The following ESRRG variants were observed in gnomAD, a reference collection of about 807,000 sequenced individuals.
ESRRG encodes the protein estrogen-related receptor gamma.
Under a neutral mutation model 44.0 loss-of-function variants are expected in ESRRG, and 13 were observed. The ratio of observed to expected loss-of-function variants is 0.30; its 90% CI spans 0.19 to 0.47. The LOEUF is 0.47. Among genes scored for constraint, ESRRG ranks in the 20% least tolerant of loss-of-function variants. ESRRG has a pLI of 1.00. For missense variants in ESRRG, 395 were observed against 580.6 expected, an observed-to-expected ratio of 0.68 and a Z score of 3.29; for synonymous variants, 215 against 214.6, an observed-to-expected ratio of 1.00 and a Z score of -0.02.
At chr1:216,710,700 A>C (rs1394154485) in intron 1 of ESRRG, among the ~76,000 whole-genome samples, 1 of 152,128 alleles carries the variant, frequency 6.6e-6, no homozygotes, top group African/African-American at 2.4e-5. Context: ...ACAGAGAATA[A>C]ATATATTCTG....
At chr1:216,566,789 G>C (rs1045895885) in intron 4 of ESRRG, among the ~76,000 whole-genome samples, 1 of 152,192 alleles carries the variant, frequency 6.6e-6, no homozygotes, top group South Asian at 2.1e-4. Context: ...GAAGATGCCA[G>C]ATTGGACAAT....
rs568746241 is a variant in ESRRG at position 216,831,155 on chromosome 1, G to T, written c.-14+108427C>A. ...GCATTCTTATTAAATATTTCAAAGG[G>T]GGGAGGGGAAGGAGGAGGAGGAGTT... On this transcript the variant is annotated intron_variant, in intron 2 of 7. Coordinates refer to the ESRRG transcript ENST00000359162. 3.9e-5 allele frequency among the ~76,000 whole-genome samples: 6 copies of T among 152,178 alleles called. No homozygotes were observed. The East Asian group carries it at 1.2e-3, about 29-fold the overall frequency.
intron 2 of ESRRG, among the ~76,000 whole-genome samples, chr1:216,658,848 AAGAAG>A (rs199919171): frequency 0.16 from 20,241 of 124,380 alleles, 1,610 homozygotes; most frequent in East Asian, 0.22. Flanking sequence ...AAGAAAGTAA[AAGAAG>A]AGAAGAGAAG....
chr1:216,510,758 G>A (rs1265591548), intron 6 of ESRRG, among the ~76,000 whole-genome samples: 1 of 152,026 alleles, frequency 6.6e-6, no homozygotes, highest in Non-Finnish European at 1.5e-5. Context: ...AGTGGTGGGC[G>A]CCTGCAGTCC....
chr1:217,107,066 C>T (rs2092606320), intron 1 of ESRRG, among the ~76,000 whole-genome samples: 1 of 151,986 alleles, frequency 6.6e-6, no homozygotes, highest in South Asian at 2.1e-4. Flanking sequence ...TTTTTCAAGC[C>T]CAGCAGAGAT....
At chr1:216,794,266 G>C (rs1044429341) in intron 2 of ESRRG, among the ~76,000 whole-genome samples, 1 of 152,184 alleles carries the variant, frequency 6.6e-6, no homozygotes, top group African/African-American at 2.4e-5. Flanking sequence ...GGTTTAGGGA[G>C]CAGTATTTAC....
At chr1:217,075,051 C>T (rs748009544) in intron 1 of ESRRG, among the ~76,000 whole-genome samples, 7 of 152,272 alleles carry the variant, frequency 4.6e-5, no homozygotes, top group Middle Eastern at 3.4e-3. Context: ...TGCAATCAGC[C>T]CTGCTGAACC....
chr1:216,893,468 A>T (rs1217626839), intron 2 of ESRRG, among the ~76,000 whole-genome samples: 1 of 152,204 alleles, frequency 6.6e-6, no homozygotes, highest in African/African-American at 2.4e-5. Flanking sequence ...AACTTTAAAG[A>T]TAAATCATGA....
At chr1:216,877,404 T>G (rs2096374305) in intron 2 of ESRRG, among the ~76,000 whole-genome samples, 1 of 151,224 alleles carries the variant, frequency 6.6e-6, no homozygotes, top group Non-Finnish European at 1.5e-5. Context: ...TTTGTTTGTT[T>G]GTTTGTTTGT....
intron 1 of ESRRG, among the ~76,000 whole-genome samples, chr1:217,000,875 A>T (rs1421081890): frequency 6.6e-6 from 1 of 152,234 alleles, no homozygotes; most frequent in African/African-American, 2.4e-5. Flanking sequence ...TATCCACACT[A>T]TGCACATGTT....
chr1:216,905,846 G>C (rs1393034328), intron 2 of ESRRG, among the ~76,000 whole-genome samples: 1 of 152,146 alleles, frequency 6.6e-6, no homozygotes, highest in Non-Finnish European at 1.5e-5. Context: ...CGCCTCCCAG[G>C]TTCAAGTGAT....
rs554084736 is a variant in ESRRG at position 216,635,211 on chromosome 1, AAG to A, written c.589+15760_589+15761del. 1.6e-3 allele frequency among the ~76,000 whole-genome samples: 249 copies of A among 152,332 alleles called. 1 individual carries two copies. Among genetic ancestry groups the A allele is most frequent in the African/African-American group, 5.8e-3 (242 of 41,582 alleles). ...GTGGAAAGGTAGCAGGGGAAGGAGAAAGAGCAGAGAAGAGAGGGAAACAATTG... is the reference window on the plus strand; with the variant it reads ...GTGGAAAGGTAGCAGGGGAAGGAGAAAGCAGAGAAGAGAGGGAAACAATTG... On this transcript the variant is annotated intron_variant, in intron 3 of 6. Coordinates refer to ENST00000408911, the MANE Select transcript of ESRRG (RefSeq NM_001438.4).
intron 2 of ESRRG, among the ~76,000 whole-genome samples, chr1:216,801,801 T>G (rs967613073): frequency 6.6e-6 from 1 of 152,190 alleles, no homozygotes; most frequent in Non-Finnish European, 1.5e-5. Flanking sequence ...GTTTTCCTGC[T>G]ATTGAGTTGT....
At chr1:216,870,253 C>CTTT (rs35814014) in intron 2 of ESRRG, among the ~76,000 whole-genome samples, 6 of 133,374 alleles carry the variant, frequency 4.5e-5, no homozygotes, top group African/African-American at 8.2e-5. Context: ...TGTCAATGTG[C>CTTT]TTTTTTTTTT....
chr1:216,835,887 C>A (rs1031045911), intron 2 of ESRRG, among the ~76,000 whole-genome samples: 1 of 152,100 alleles, frequency 6.6e-6, no homozygotes, highest in African/African-American at 2.4e-5. Context: ...AGAACAAAAC[C>A]GCTTGATTTA....
intron 1 of ESRRG, among the ~76,000 whole-genome samples, chr1:217,137,385 G>A (rs2093063585): frequency 6.6e-6 from 1 of 152,184 alleles, no homozygotes; most frequent in African/African-American, 2.4e-5. Context: ...ATACTAAGGG[G>A]GCTCAGGCAG....
At chr1:216,886,838 C>T (rs568254578) in intron 2 of ESRRG, among the ~76,000 whole-genome samples, 1 of 152,186 alleles carries the variant, frequency 6.6e-6, no homozygotes, top group African/African-American at 2.4e-5. Flanking sequence ...ATCCTCCCAC[C>T]TTAGCCTCCC....
chr1:216,928,855 A>G (rs2062934027), intron 2 of ESRRG, among the ~76,000 whole-genome samples: 1 of 152,212 alleles, frequency 6.6e-6, no homozygotes, highest in African/African-American at 2.4e-5. Flanking sequence ...AGCCAGATAC[A>G]AAAGGACAAA....
chr1:216,768,726 A>G (rs1234225677), intron 2 of ESRRG, among the ~76,000 whole-genome samples: 1 of 152,106 alleles, frequency 6.6e-6, no homozygotes, highest in Non-Finnish European at 1.5e-5. Context: ...GCTGGCCCCA[A>G]GCAATCCTCC....
Sources: gnomAD v4.1 joint callset for allele counts (sites outside exome capture counted in the v4.1 genomes callset) on GRCh38, gnomAD v4.1.1 for gene constraint, MANE v1.5 for transcripts, NCBI Gene and HGNC (gene_info 2026-07-23, HGNC 2026-07-21) for gene names.